The following KCNK2 variants were observed in gnomAD, a reference collection of about 807,000 sequenced individuals.
KCNK2 encodes the protein potassium channel subfamily K member 2.
A neutral mutation model predicts 40.5 loss-of-function variants in KCNK2; 21 were observed. The observed-to-expected ratio is 0.52, with a 90% CI of 0.37 to 0.75. KCNK2 has a LOEUF of 0.75. Among genes scored for constraint, KCNK2 ranks in the 30% least tolerant of loss-of-function variants. The probability of loss-of-function intolerance (pLI) is 0.00; values close to 1 mark genes in which losing one functional copy is unlikely to be tolerated. For synonymous variants in KCNK2, 191 were observed against 202.2 expected (o/e 0.94, Z 0.47); for missense variants, 399 against 531.6 (o/e 0.75, Z 2.45).
At chr1:215,052,030 G>A (rs1207207771) in intron 1 of KCNK2, among the ~76,000 whole-genome samples, 1 of 152,172 alleles carries the variant, frequency 6.6e-6, no homozygotes, top group Non-Finnish European at 1.5e-5. Context: ...GTGCCAGGTG[G>A]CTGCTCTAGC....
At chr1:215,058,304 C>T (rs1467444943) in intron 1 of KCNK2, among the ~76,000 whole-genome samples, 1 of 152,206 alleles carries the variant, frequency 6.6e-6, no homozygotes, top group African/African-American at 2.4e-5. Flanking sequence ...TTGCACCTTG[C>T]ACTTCTGTCT....
intron 2 of KCNK2, among the ~76,000 whole-genome samples, chr1:215,111,580 C>T (rs539036288): frequency 7.2e-5 from 11 of 152,188 alleles, no homozygotes; most frequent in African/African-American, 2.6e-4. Flanking sequence ...TTGTATTCTT[C>T]AGCTCCAAAA....
At chr1:215,039,403 G>A (rs549286494) in intron 1 of KCNK2, among the ~76,000 whole-genome samples, 10 of 152,170 alleles carry the variant, frequency 6.6e-5, no homozygotes, top group South Asian at 6.2e-4. Context: ...CCTCCACTTC[G>A]GAGAATCTTT....
chr1:215,135,721 T>G (rs1661874902), intron 3 of KCNK2, among the ~76,000 whole-genome samples: 2 of 151,702 alleles, frequency 1.3e-5, no homozygotes, highest in African/African-American at 4.8e-5. Context: ...AACCAGTTAT[T>G]TTTTATTTTA....
intron 3 of KCNK2, among the ~76,000 whole-genome samples, chr1:215,130,686 T>A (rs1452943540): frequency 6.6e-6 from 1 of 152,130 alleles, no homozygotes; most frequent in East Asian, 1.9e-4. Context: ...CTTGTTAATC[T>A]ATTAATCCAT....
chr1:215,141,080 C>T (rs1662152530), intron 3 of KCNK2, among the ~76,000 whole-genome samples: 3 of 151,992 alleles, frequency 2.0e-5, no homozygotes, highest in African/African-American at 7.2e-5. Context: ...TCATCAATAT[C>T]ACTGTGTTCC....
chr1:215,148,610 A>G (rs1374444039), intron 3 of KCNK2, among the ~76,000 whole-genome samples: 1 of 152,196 alleles, frequency 6.6e-6, no homozygotes, highest in Non-Finnish European at 1.5e-5. Context: ...TATACAAGAT[A>G]TATAAAGGAA....
At chr1:215,175,399 C>T (rs181397485) in intron 5 of KCNK2, among the ~76,000 whole-genome samples, 1 of 151,768 alleles carries the variant, frequency 6.6e-6, no homozygotes, top group African/African-American at 2.4e-5. Flanking sequence ...ACTGGTTGTT[C>T]AGAATTTTAC....
At chr1:215,042,751 T>C (rs1657611467) in intron 1 of KCNK2, among the ~76,000 whole-genome samples, 1 of 152,190 alleles carries the variant, frequency 6.6e-6, no homozygotes, top group Admixed American at 6.5e-5. Flanking sequence ...TGGGTTGATG[T>C]ACCTACTTTA....
In KCNK2 at chr1:215,160,121, A is replaced by G. The variant is rs1466119508; in HGVS notation, c.476-9078A>G. Among the ~76,000 whole-genome samples the G allele has an allele frequency of 7.2e-5, 11 of 152,340 alleles. No homozygotes were observed. In the South Asian group the frequency reaches 2.1e-3, roughly 29 times the overall value. ...ATCTTGAATTAATAAGACAGTTGGA[A>G]GAATTTGAATGTAGACTGTAAGTTA... On this transcript the variant is annotated intron_variant, in intron 3 of 6. Transcript: ENST00000444842.
intron 1 of KCNK2, among the ~76,000 whole-genome samples, chr1:215,028,796 A>G (rs1291866282): frequency 2.0e-5 from 3 of 152,208 alleles, no homozygotes; most frequent in Non-Finnish European, 1.5e-5. Context: ...GACCTTTTCT[A>G]GGAAATCCCT....
intron 1 of KCNK2, among the ~76,000 whole-genome samples, chr1:215,069,048 A>G (rs1425884417): frequency 6.6e-6 from 1 of 152,236 alleles, no homozygotes; most frequent in Non-Finnish European, 1.5e-5. Context: ...AATAAAGTCA[A>G]TACAATTTAA....
chr1:215,042,879 C>A (rs1240914680), intron 1 of KCNK2, among the ~76,000 whole-genome samples: 1 of 152,166 alleles, frequency 6.6e-6, no homozygotes, highest in Non-Finnish European at 1.5e-5. Context: ...ACAATGGCTC[C>A]TACTTACAAG....
chr1:215,152,151 C>A (rs185497975), intron 3 of KCNK2, among the ~76,000 whole-genome samples: 13 of 152,152 alleles, frequency 8.5e-5, no homozygotes, highest in Admixed American at 8.5e-4. Flanking sequence ...GGAGTTATTT[C>A]AAGGCTTGTC....
At chr1:215,173,311 A>C (rs1663807143) in intron 5 of KCNK2, among the ~76,000 whole-genome samples, 2 of 152,094 alleles carry the variant, frequency 1.3e-5, no homozygotes, top group Non-Finnish European at 2.9e-5. Context: ...ATCCTCTTTT[A>C]TGGCTGCATA....
At chr1:215,077,317 A>G (rs1344478126) in intron 1 of KCNK2, among the ~76,000 whole-genome samples, 2 of 152,116 alleles carry the variant, frequency 1.3e-5, no homozygotes, top group Non-Finnish European at 2.9e-5. Context: ...AGTTTTTAGT[A>G]AACTGGAACT....
At chr1:215,230,812 G>T (rs1204178050) in intron 6 of KCNK2, among the ~76,000 whole-genome samples, 3 of 151,574 alleles carry the variant, frequency 2.0e-5, no homozygotes, top group Non-Finnish European at 4.4e-5. Context: ...CAGCTTTTAT[G>T]ATTTGCAGAG....
chr1:215,200,210 A>G (rs1264963325), intron 6 of KCNK2, among the ~76,000 whole-genome samples: 2 of 152,198 alleles, frequency 1.3e-5, no homozygotes, highest in African/African-American at 4.8e-5. Flanking sequence ...AGAAGCCTTG[A>G]AAGACTGTCC....
chr1:215,069,964 TG>T (rs1312510194), intron 1 of KCNK2, among the ~76,000 whole-genome samples: 1 of 152,202 alleles, frequency 6.6e-6, no homozygotes, highest in Non-Finnish European at 1.5e-5. Flanking sequence ...TTGTGTGTAT[TG>T]GGGTAATGGT....
Sources: allele counts gnomAD v4.1 joint callset (sites outside exome capture counted in the v4.1 genomes callset), GRCh38; gene constraint gnomAD v4.1.1; transcripts MANE v1.5; gene names NCBI Gene and HGNC (gene_info 2026-07-23, HGNC 2026-07-21).